The following PRDM16 variants were observed in gnomAD, a reference collection of about 807,000 sequenced individuals.
PRDM16 encodes histone-lysine N-methyltransferase PRDM16.
A neutral mutation model predicts 110.6 loss-of-function variants in PRDM16; 23 were observed. The ratio of observed to expected loss-of-function variants is 0.21; its 90% CI spans 0.15 to 0.29. The LOEUF is 0.29. PRDM16 is among the 10% of genes least tolerant of loss of function. The pLI, the probability that PRDM16 is intolerant of heterozygous loss-of-function variation, is 1.00. For missense variants in PRDM16, 1,615 were observed against 1,794.3 expected (o/e 0.90, Z 1.81); for synonymous variants, 799 against 781.8 (o/e 1.02, Z -0.37).
At chr1:3,223,157 TGGA>T (rs1348269476) in intron 2 of PRDM16, among the ~76,000 whole-genome samples, 2 of 135,340 alleles carry the variant, frequency 1.5e-5, no homozygotes, top group Non-Finnish European at 3.0e-5. Flanking sequence ...GTTGCCAGGC[TGGA>T]GTGCAGTGGT....
At position 3,396,124 on chromosome 1, in the gene PRDM16, CACTT is replaced by C. The variant is rs557080310; in HGVS notation, c.574-364_574-361del. Among the ~76,000 whole-genome samples the C allele has an allele frequency of 3.0e-4, 45 of 152,284 alleles. No individual in the cohort carries two copies. In the East Asian group the frequency reaches 8.5e-3, roughly 29 times the overall value. On this transcript the variant is annotated intron_variant, in intron 4 of 16. Transcript: ENST00000270722. ...CCGCCGCCACTGGCAAAGCGGGTCT[CACTT>C]ACATACACAAAATGGAACAAAAGAA...
chr1:3,070,249 T>A (rs1381735498), intron 1 of PRDM16, among the ~76,000 whole-genome samples: 1 of 149,968 alleles, frequency 6.7e-6, no homozygotes, highest in East Asian at 2.0e-4. Context: ...AGCCCCGGGC[T>A]CCGCGCGCCC....
rs1638953459 is a variant in PRDM16, at chr1:3,437,994, C to T, written c.*4183C>T. On this transcript the variant is annotated 3_prime_UTR_variant, in exon 17 of 17. Coordinates refer to ENST00000270722, the MANE Select transcript of PRDM16 (RefSeq NM_022114.4). ...ATCACAGACCTGTGCCGCCCGCCAC[C>T]TTCTGCCATTGTTACATTACAGATT... is the stretch of plus-strand genomic sequence containing the variant. The T allele has an allele frequency of 4.6e-6, 1 of 219,302 alleles. No homozygotes were observed. The allele number at this position is 219,302 out of a possible 1,614,324, so 13.6% of individuals were successfully genotyped here. A position where few individuals can be genotyped will look rare whatever the true frequency, so the allele number is the denominator to read the frequency against.
chr1:3,415,520 G>C (rs182522144), intron 10 of PRDM16, among the ~76,000 whole-genome samples: 1 of 152,276 alleles, frequency 6.6e-6, no homozygotes, highest in African/African-American at 2.4e-5. Flanking sequence ...TTGTTTCCCC[G>C]GGGCCGTGGA....
chr1:3,321,294 ATATGTGAG>A (rs1483325004), intron 3 of PRDM16, among the ~76,000 whole-genome samples: 1 of 152,012 alleles, frequency 6.6e-6, no homozygotes. Context: ...GGCAGTACAC[ATATGTGAG>A]TGTGTCCATT....
chr1:3,142,929 C>A (rs1390863654), intron 1 of PRDM16, among the ~76,000 whole-genome samples: 2 of 152,226 alleles, frequency 1.3e-5, no homozygotes, highest in African/African-American at 4.8e-5. Flanking sequence ...ACATCAACTG[C>A]CCCCTGGCCG....
chr1:3,381,579 C>T (rs1466020536), intron 3 of PRDM16, among the ~76,000 whole-genome samples: 1 of 151,980 alleles, frequency 6.6e-6, no homozygotes, highest in African/African-American at 2.4e-5. Flanking sequence ...TTAGTAGAGA[C>T]GGGGTTTCCC....
At chr1:3,180,487 C>T (rs28594467) in intron 1 of PRDM16, among the ~76,000 whole-genome samples, 34,000 of 152,086 alleles carry the variant, frequency 0.22, 3,938 homozygotes, top group Admixed American at 0.29. Flanking sequence ...ATCTCCAGGA[C>T]CACATCTTGG....
chr1:3,411,982 C>T lies in PRDM16; in HGVS notation c.1785C>T (p.Ser595=), dbSNP rs761246065. ...DSCVEKLKTR[S]SDMSDGSDFE... is the part of the protein sequence containing the mutation. ...GTGTGGAGAAGCTGAAGACCAGGAG[C>T]AGCGACATGTCGGACGGCAGTGACT... The change falls in exon 9 of 17, where the codon AGC becomes AGT. Residue 595 remains serine, a synonymous_variant. Transcript: ENST00000270722. 24 of 1,613,668 alleles carry T rather than the reference C, an allele frequency of 1.5e-5. No individual in the cohort carries two copies. In the East Asian group the frequency reaches 5.3e-4, roughly 36 times the overall value.
chr1:3,200,233 C>T (rs999451272), intron 2 of PRDM16, among the ~76,000 whole-genome samples: 1 of 152,238 alleles, frequency 6.6e-6, no homozygotes, highest in African/African-American at 2.4e-5. Flanking sequence ...TCTGGCCTGC[C>T]GGCCGAGGCT....
At chr1:3,202,129 T>G (rs891241284) in intron 2 of PRDM16, among the ~76,000 whole-genome samples, 7 of 152,136 alleles carry the variant, frequency 4.6e-5, no homozygotes, top group Non-Finnish European at 8.8e-5. Context: ...CCCGAAGGTG[T>G]GCAAAGGGCA....
chr1:3,310,491 C>T (rs1315515834), intron 3 of PRDM16, among the ~76,000 whole-genome samples: 5 of 152,168 alleles, frequency 3.3e-5, no homozygotes, highest in East Asian at 3.9e-4. Context: ...CAGGGGCCCT[C>T]GGAGCTGCTG....
intron 1 of PRDM16, among the ~76,000 whole-genome samples, chr1:3,155,367 A>G (rs1448359577): frequency 6.6e-6 from 1 of 152,196 alleles, no homozygotes; most frequent in African/African-American, 2.4e-5. Flanking sequence ...CCCGATTAGC[A>G]TGGTCTCCGC....
At chr1:3,283,413 C>A (rs565107658) in intron 3 of PRDM16, among the ~76,000 whole-genome samples, 1 of 152,182 alleles carries the variant, frequency 6.6e-6, no homozygotes, top group African/African-American at 2.4e-5. Flanking sequence ...GCAGCCAGAC[C>A]CTGGAGGTGG....
At chr1:3,171,360 G>C (rs1240582326) in intron 1 of PRDM16, among the ~76,000 whole-genome samples, 1 of 152,236 alleles carries the variant, frequency 6.6e-6, no homozygotes, top group Non-Finnish European at 1.5e-5. Context: ...AAATCTCCGA[G>C]TGTGTTTTCT....
intron 3 of PRDM16, among the ~76,000 whole-genome samples, chr1:3,278,281 A>G (rs967001267): frequency 4.6e-5 from 7 of 152,254 alleles, no homozygotes; most frequent in Non-Finnish European, 5.9e-5. Context: ...GCCATCTCCC[A>G]CATGGTGTGG....
At chr1:3,385,352 A>G in intron 4 of PRDM16, 66 bp downstream of exon 4, 1 of 1,571,140 alleles carries the variant, frequency 6.4e-7, no homozygotes, top group Non-Finnish European at 8.7e-7. Flanking sequence ...TGGCACCAAG[A>G]TTGGTGGAGG....
chr1:3,145,987 C>A (rs368223886), intron 1 of PRDM16, among the ~76,000 whole-genome samples: 1 of 152,206 alleles, frequency 6.6e-6, no homozygotes, highest in African/African-American at 2.4e-5. Context: ...GGGACTCACA[C>A]GCCTCACCGC....
chr1:3,173,290 C>T (rs914188770), intron 1 of PRDM16, among the ~76,000 whole-genome samples: 5 of 152,240 alleles, frequency 3.3e-5, no homozygotes, highest in African/African-American at 4.8e-5. Context: ...AGGCTTTTTA[C>T]CCGGAACAAG....
Sources: allele counts gnomAD v4.1 joint callset (sites outside exome capture counted in the v4.1 genomes callset), GRCh38; gene constraint gnomAD v4.1.1; transcripts MANE v1.5; gene names NCBI Gene and HGNC (gene_info 2026-07-23, HGNC 2026-07-21).